Variants in STAG1 observed in about 807,000 individuals in gnomAD.
STAG1 encodes STAG1 cohesin complex component.
A neutral mutation model predicts 170.9 loss-of-function variants in STAG1; 26 were observed. The observed-to-expected ratio is 0.15, with a 90% CI of 0.11 to 0.21. The LOEUF (loss-of-function observed/expected upper bound fraction) is 0.21, where lower values mean the gene tolerates loss of function less well. Ranked by LOEUF, STAG1 falls within the 10% of genes least tolerant of loss-of-function variation. STAG1 has a pLI of 1.00. For synonymous variants in STAG1, 514 were observed against 497.7 expected (o/e 1.03, Z -0.44); for missense variants, 964 against 1,509.5 (o/e 0.64, Z 5.99).
intron 1 of STAG1, among the ~76,000 whole-genome samples, chr3:136,638,520 T>G (rs1055261835): frequency 6.6e-6 from 1 of 152,178 alleles, no homozygotes; most frequent in African/African-American, 2.4e-5. Flanking sequence ...ATGGATATAT[T>G]TATTTTTAAG....
intron 5 of STAG1, among the ~76,000 whole-genome samples, chr3:136,552,628 TC>T (rs911619875): frequency 2.6e-5 from 4 of 152,160 alleles, no homozygotes; most frequent in Non-Finnish European, 5.9e-5. Flanking sequence ...AAGAAATAAC[TC>T]TATAAAGTGG....
chr3:136,475,138 C>CTTTTTTTTTTTTTT, intron 10 of STAG1, among the ~76,000 whole-genome samples: 1 of 76,002 alleles, frequency 1.3e-5, no homozygotes, highest in Non-Finnish European at 2.3e-5. Flanking sequence ...TTATAGGTTC[C>CTTTTTTTTTTTTTT]TTTTTTTTTT....
intron 28 of STAG1, among the ~76,000 whole-genome samples, chr3:136,350,950 T>G (rs1936412591): frequency 6.6e-6 from 1 of 152,160 alleles, no homozygotes; most frequent in South Asian, 2.1e-4. Context: ...AGAAGAACCT[T>G]CCTGGAGTCA....
intron 8 of STAG1, among the ~76,000 whole-genome samples, chr3:136,501,966 G>A (rs1210885731): frequency 6.6e-6 from 1 of 152,106 alleles, no homozygotes; most frequent in Non-Finnish European, 1.5e-5. Flanking sequence ...CGGATCACCT[G>A]AGGTTGGGAG....
chr3:136,419,673 G>A (rs2087892436), intron 20 of STAG1, among the ~76,000 whole-genome samples: 1 of 149,978 alleles, frequency 6.7e-6, no homozygotes, highest in African/African-American at 2.5e-5. Flanking sequence ...ATCTTGGCCA[G>A]GCTGGTCTTG....
chr3:136,489,077 A>C (rs557349928), intron 9 of STAG1, among the ~76,000 whole-genome samples: 2 of 152,356 alleles, frequency 1.3e-5, no homozygotes, highest in South Asian at 4.1e-4. Flanking sequence ...CTTGAAATTA[A>C]AAACTAAACA....
chr3:136,357,011 G>A (rs1475953278), intron 28 of STAG1, among the ~76,000 whole-genome samples: 3 of 151,528 alleles, frequency 2.0e-5, no homozygotes, highest in South Asian at 2.1e-4. Context: ...GCAGTGGTGC[G>A]ATCTCGGCTC....
In STAG1 at chr3:136,617,525, G is replaced by C. The variant is rs367846822; in HGVS notation, c.132+5621C>G. Among the ~76,000 whole-genome samples the C allele has an allele frequency of 1.2e-4, 19 of 152,316 alleles. No individual in the cohort carries two copies. The East Asian group carries it at 1.7e-3, about 14-fold the overall frequency. ...AAGGAGCTATACTGAAGATCAAGGAGGAACCACTGGAGTCTGAATGTTCCT... is the reference window on the plus strand; with the variant it reads ...AAGGAGCTATACTGAAGATCAAGGACGAACCACTGGAGTCTGAATGTTCCT... On this transcript the variant is annotated intron_variant, in intron 3 of 33. Coordinates refer to ENST00000383202, the MANE Select transcript of STAG1 (RefSeq NM_005862.3).
chr3:136,393,650 C>G (rs993382730), intron 22 of STAG1, among the ~76,000 whole-genome samples: 1 of 143,290 alleles, frequency 7.0e-6, no homozygotes, highest in Admixed American at 7.2e-5. Context: ...CTGGAGTGCA[C>G]TGGTGTAATC....
chr3:136,698,433 A>G (rs951252536), intron 1 of STAG1, among the ~76,000 whole-genome samples: 9 of 152,222 alleles, frequency 5.9e-5, no homozygotes, highest in Non-Finnish European at 8.8e-5. Flanking sequence ...AATTAAAACC[A>G]CAATGAGATA....
chr3:136,608,146 A>G (rs1293074268), intron 3 of STAG1, among the ~76,000 whole-genome samples: 2 of 151,938 alleles, frequency 1.3e-5, no homozygotes, highest in Non-Finnish European at 2.9e-5. Flanking sequence ...AATCCCAGCT[A>G]CTCAGGAGGC....
chr3:136,430,802 G>GACAC (rs1355086850), intron 16 of STAG1, among the ~76,000 whole-genome samples: 11 of 88,870 alleles, frequency 1.2e-4, no homozygotes, highest in South Asian at 3.6e-4. Flanking sequence ...AACAGACATA[G>GACAC]ACAGACACAC....
At chr3:136,603,765 T>C (rs1461837463) in intron 4 of STAG1, among the ~76,000 whole-genome samples, 3 of 152,086 alleles carry the variant, frequency 2.0e-5, no homozygotes, top group Non-Finnish European at 1.5e-5. Flanking sequence ...CAGGCACCTG[T>C]AGTCCCAGCT....
intron 4 of STAG1, among the ~76,000 whole-genome samples, chr3:136,593,015 C>T (rs1426636012): frequency 2.0e-5 from 3 of 152,090 alleles, no homozygotes; most frequent in Non-Finnish European, 4.4e-5. Context: ...CTTCCTTTTC[C>T]AAATTGTGGG....
At chr3:136,724,287 T>C (rs1053771114) in intron 1 of STAG1, among the ~76,000 whole-genome samples, 2 of 152,122 alleles carry the variant, frequency 1.3e-5, no homozygotes, top group African/African-American at 2.4e-5. Context: ...TGTGATCCTG[T>C]TGATCAGTGA....
chr3:136,356,085 TCA>T (rs1383059318), intron 28 of STAG1, among the ~76,000 whole-genome samples: 7 of 150,452 alleles, frequency 4.7e-5, no homozygotes, highest in Non-Finnish European at 7.4e-5. Flanking sequence ...AGAGACAGTC[TCA>T]CTGTCTTGCC....
intron 5 of STAG1, among the ~76,000 whole-genome samples, chr3:136,552,602 G>A (rs921784393): frequency 3.9e-5 from 6 of 152,286 alleles, no homozygotes; most frequent in African/African-American, 1.4e-4. Context: ...TGGGCGATAT[G>A]AGGTAGAGGG....
rs1346822537 is a variant in STAG1, at chr3:136,369,145, G to A, written c.2508C>T (p.His836=). 3 of 1,583,442 alleles carry A rather than the reference G, an allele frequency of 1.9e-6. No homozygotes were observed. Among genetic ancestry groups the A allele is most frequent in the Non-Finnish European group, 2.6e-6 (3 of 1,169,350 alleles). The change falls in exon 24 of 34, where the codon CAC becomes CAT. Residue 836 remains histidine, a synonymous_variant. Coordinates refer to ENST00000383202, the MANE Select transcript of STAG1 (RefSeq NM_005862.3). ...TCTCCTCGTCTTGGTCAATAAAAAC[G>A]TGATCCATCACAAAACTGAGGAGTT... ...QSELLSFVMD[H]VFIDQDEENQ...
chr3:136,747,427 G>A (rs1408961740), intron 1 of STAG1, among the ~76,000 whole-genome samples: 5 of 152,166 alleles, frequency 3.3e-5, no homozygotes, highest in African/African-American at 9.7e-5. Flanking sequence ...ACTGGCTCAC[G>A]CCTGTAATCC....
Sources: gnomAD v4.1 joint callset for allele counts (sites outside exome capture counted in the v4.1 genomes callset) on GRCh38, gnomAD v4.1.1 for gene constraint, MANE v1.5 for transcripts, NCBI Gene and HGNC (gene_info 2026-07-23, HGNC 2026-07-21) for gene names.